Variants in SERGEF observed in about 807,000 individuals in gnomAD.
SERGEF encodes the protein secretion regulating guanine nucleotide exchange factor, also known as secretion-regulating guanine nucleotide exchange factor.
SERGEF carries 51 observed loss-of-function variants against 50.0 expected under a neutral mutation model. The ratio of observed to expected loss-of-function variants is 1.02; its 90% confidence interval spans 0.81 to 1.29. The LOEUF (loss-of-function observed/expected upper bound fraction) is 1.29, where lower values mean the gene tolerates loss of function less well. Among genes scored for constraint, SERGEF ranks in the 50% most tolerant of loss-of-function variants. The pLI is 0.00. For synonymous variants in SERGEF, 205 were observed against 212.4 expected (o/e 0.97, Z 0.30); for missense variants, 521 against 557.0 (o/e 0.94, Z 0.65).
chr11:17,865,159 T>C (rs544338514), intron 10 of SERGEF, among the ~76,000 whole-genome samples: 46 of 152,312 alleles, frequency 3.0e-4, no homozygotes, highest in African/African-American at 1.1e-3. Context: ...AAATTCCTAT[T>C]GCCTACTGCC....
chr11:17,788,410 C>T lies in SERGEF; in HGVS notation c.1052G>A (p.Gly351Glu). The change falls in exon 11 of 11, where the codon GGA becomes GAA. Residue 351 changes from glycine to glutamate, a missense_variant. Transcript: ENST00000265965. ...ATTCCAGCCCCAAGAGTAACACACT[C>T]CACCTGTGAAGGAGAGGGAAGACTG... The part of the protein sequence containing the change: ...GSEHNLAIIG[G>E]VCYSWGWNEH... 1 of 1,600,190 alleles carries T rather than the reference C, an allele frequency of 6.2e-7. No individual in the cohort carries two copies. The highest frequency in any genetic ancestry group is 8.5e-7 in the Non-Finnish European group (1 of 1,169,804).
intron 10 of SERGEF, among the ~76,000 whole-genome samples, chr11:17,837,873 G>T (rs993665876): frequency 6.6e-6 from 1 of 151,902 alleles, no homozygotes; most frequent in African/African-American, 2.4e-5. Context: ...CACTATGTTG[G>T]TCAGGCTGGT....
At chr11:17,839,199 T>A (rs1850456551) in intron 10 of SERGEF, among the ~76,000 whole-genome samples, 1 of 152,160 alleles carries the variant, frequency 6.6e-6, no homozygotes, top group Admixed American at 6.5e-5. Context: ...GCCTTGGGTG[T>A]CAAGGATTTT....
At chr11:17,997,082 G>T (rs1853851673) in intron 5 of SERGEF, among the ~76,000 whole-genome samples, 1 of 152,158 alleles carries the variant, frequency 6.6e-6, no homozygotes, top group Non-Finnish European at 1.5e-5. Context: ...GTGTACACCT[G>T]CAGTCCCAGC....
At chr11:17,948,020 T>G (rs1430072452) in intron 9 of SERGEF, among the ~76,000 whole-genome samples, 1 of 148,902 alleles carries the variant, frequency 6.7e-6, no homozygotes, top group African/African-American at 2.5e-5. Flanking sequence ...TAGCACAATC[T>G]CAGCTAACTG....
intron 8 of SERGEF, among the ~76,000 whole-genome samples, chr11:17,981,691 AC>A (rs1297407325): frequency 6.6e-6 from 1 of 152,130 alleles, no homozygotes; most frequent in Non-Finnish European, 1.5e-5. Flanking sequence ...TGGCCTCCTG[AC>A]CCTCGCTTCT....
chr11:17,879,203 C>T (rs75267244), intron 9 of SERGEF, among the ~76,000 whole-genome samples: 6,261 of 152,268 alleles, frequency 0.041, 183 homozygotes, highest in Non-Finnish European at 0.063. Flanking sequence ...GAGTTTCCAA[C>T]CAGTGGGAGA....
chr11:17,795,605 C>G (rs1380389423), intron 10 of SERGEF, among the ~76,000 whole-genome samples: 2 of 152,218 alleles, frequency 1.3e-5, no homozygotes, highest in African/African-American at 2.4e-5. Context: ...TGTTCCCCAA[C>G]TCAGTGTTCC....
intron 9 of SERGEF, among the ~76,000 whole-genome samples, chr11:17,902,783 C>G (rs1243827789): frequency 6.6e-6 from 1 of 152,154 alleles, no homozygotes; most frequent in Non-Finnish European, 1.5e-5. Flanking sequence ...AAGAAGCATG[C>G]AGGACTAGAG....
rs750864306 is a variant in SERGEF at position 17,988,587 on chromosome 11, A to G, written c.844+10T>C. 2 of 1,613,296 alleles carry G rather than the reference A, an allele frequency of 1.2e-6. No individual in the cohort carries two copies. The highest frequency in any genetic ancestry group is 1.7e-5 in the Admixed American group (1 of 59,968). On this transcript the variant is annotated intron_variant, in intron 8 of 10. Coordinates refer to ENST00000265965, the MANE Select transcript of SERGEF (RefSeq NM_012139.4). ...TCTTACCAACCGTAAGTTCTCTGCT[A>G]CTGTCTCACCTGTCTGAGCAACCAG...
intron 10 of SERGEF, among the ~76,000 whole-genome samples, chr11:17,816,104 G>A (rs1446536745): frequency 6.6e-6 from 1 of 152,106 alleles, no homozygotes; most frequent in Non-Finnish European, 1.5e-5. Flanking sequence ...GCCCTAAAAG[G>A]GGCTGTGCTC....
intron 10 of SERGEF, among the ~76,000 whole-genome samples, chr11:17,847,597 A>T (rs934094684): frequency 3.3e-5 from 5 of 152,206 alleles, no homozygotes; most frequent in African/African-American, 1.2e-4. Context: ...GAGCCCAATA[A>T]TGAAGCTAGT....
intron 10 of SERGEF, among the ~76,000 whole-genome samples, chr11:17,799,322 G>A (rs1033812028): frequency 3.9e-5 from 6 of 152,096 alleles, no homozygotes; most frequent in East Asian, 3.8e-4. Flanking sequence ...CTGAACCCGC[G>A]GCCTGCAAAA....
At chr11:18,008,122 T>C (rs1384205393) in intron 1 of SERGEF, 46 bp from the exon 2 acceptor site, 1 of 1,586,102 alleles carries the variant, frequency 6.3e-7, no homozygotes, top group Admixed American at 1.7e-5. Flanking sequence ...GAACCACAAC[T>C]GTCAATGTCT....
chr11:17,955,613 T>A (rs1852850870), intron 9 of SERGEF, among the ~76,000 whole-genome samples: 1 of 152,196 alleles, frequency 6.6e-6, no homozygotes, highest in African/African-American at 2.4e-5. Context: ...AAAGCTGAAC[T>A]GCAAGTTCTG....
At chr11:17,863,593 C>G (rs1850967835) in intron 10 of SERGEF, 1 of 152,188 alleles carries the variant, frequency 6.6e-6, no homozygotes, top group Non-Finnish European at 1.5e-5. Context: ...TAGTTCTTAT[C>G]ATGGTCTGCT....
chr11:17,962,989 C>A (rs541927806), intron 8 of SERGEF, among the ~76,000 whole-genome samples: 1 of 151,902 alleles, frequency 6.6e-6, no homozygotes, highest in African/African-American at 2.4e-5. Flanking sequence ...TGAGACCAGC[C>A]TGACCAACAT....
intron 3 of SERGEF, among the ~76,000 whole-genome samples, chr11:18,006,190 G>A (rs886623678): frequency 2.0e-5 from 3 of 152,184 alleles, no homozygotes; most frequent in African/African-American, 4.8e-5. Flanking sequence ...ATGGATTATT[G>A]CTCTGTTGCT....
rs188487915 is a variant in SERGEF at position 17,890,688 on chromosome 11, G to C, written c.1012-12444C>G. The stretch of plus-strand genomic sequence containing the variant: ...CTCCCACCTCCCAGGCTCCCAAAGT[G>C]TTGAGATTACAGGCATGAGCCACTG... On this transcript the variant is annotated intron_variant, in intron 9 of 10. Transcript: ENST00000265965. 9.9e-5 allele frequency among the ~76,000 whole-genome samples: 15 copies of C among 152,218 alleles called. No individual in the cohort carries two copies. In the East Asian group the frequency reaches 2.3e-3, roughly 24 times the overall value.
Sources: gnomAD v4.1 joint callset for allele counts (sites outside exome capture counted in the v4.1 genomes callset) on GRCh38, gnomAD v4.1.1 for gene constraint, MANE v1.5 for transcripts, NCBI Gene and HGNC (gene_info 2026-07-23, HGNC 2026-07-21) for gene names.